The following LMBRD2 variants were observed in gnomAD, a reference collection of about 807,000 sequenced individuals.
LMBRD2 encodes the protein LMBR1 domain containing 2.
In LMBRD2, 55 loss-of-function variants were observed where a neutral mutation model predicts 94.4. That is an observed-to-expected ratio of 0.58 (90% CI 0.47 to 0.73). LMBRD2 has a LOEUF of 0.73. Ranked by LOEUF, LMBRD2 falls within the 30% of genes least tolerant of loss-of-function variation. The pLI is 0.00. For synonymous variants in LMBRD2, 246 were observed against 272.4 expected, an observed-to-expected ratio of 0.90 and a Z score of 0.95; for missense variants, 640 against 831.9, an observed-to-expected ratio of 0.77 and a Z score of 2.84.
intron 17 of LMBRD2, 31 bp from the exon 18 acceptor site, chr5:36,104,137 G>T (rs1262810758): frequency 1.9e-6 from 3 of 1,547,078 alleles, no homozygotes; most frequent in East Asian, 4.5e-5. Flanking sequence ...AATGATCTGA[G>T]GCATCAAAAA....
intron 6 of LMBRD2, among the ~76,000 whole-genome samples, chr5:36,126,154 T>C (rs1744002339): frequency 6.6e-6 from 1 of 152,218 alleles, no homozygotes; most frequent in African/African-American, 2.4e-5. Context: ...TTTAAGAGGT[T>C]ACCTGGAAGC....
chr5:36,106,583 C>A (rs533084560), intron 16 of LMBRD2, among the ~76,000 whole-genome samples: 1 of 144,968 alleles, frequency 6.9e-6, no homozygotes, highest in African/African-American at 2.5e-5. Flanking sequence ...GATCTCGGCT[C>A]ACTACAACCT....
Position 36,099,063 on chromosome 5 carries a change from T to C in LMBRD2, c.*4983A>G, listed in dbSNP as rs997416747. The stretch of plus-strand genomic sequence containing the variant: ...TTATTAATGCAATGCAGAAATTAGG[T>C]TTTTGGTATATTAATAATTTGCTTG... On this transcript the variant is annotated 3_prime_UTR_variant, in exon 18 of 18. Transcript: ENST00000296603. The C allele has an allele frequency of 2.6e-5, 4 of 151,994 alleles. No homozygotes were observed. The highest frequency in any genetic ancestry group is 4.4e-5 in the Non-Finnish European group (3 of 67,938). 9.4% of individuals were successfully genotyped at this position (151,994 alleles called of 1,614,324 possible).
At chr5:36,123,418 T>G (rs1743932794) in intron 7 of LMBRD2, among the ~76,000 whole-genome samples, 1 of 152,138 alleles carries the variant, frequency 6.6e-6, no homozygotes, top group Non-Finnish European at 1.5e-5. Flanking sequence ...CTATATGAAC[T>G]TGGGCAACTT....
intron 5 of LMBRD2, among the ~76,000 whole-genome samples, chr5:36,136,791 C>T (rs1383287244): frequency 6.6e-6 from 1 of 152,072 alleles, no homozygotes; most frequent in African/African-American, 2.4e-5. Context: ...AATAGTGAGA[C>T]CTAGCACTGC....
Position 36,115,001 on chromosome 5 carries a change from C to G in LMBRD2, c.1542+14G>C. ...TAGTGAACCTAAGGAATTCTATTTT[C>G]TGACCGTACTTACAGATGTATAAGC... On this transcript the variant is annotated intron_variant, in intron 12 of 17. Transcript: ENST00000296603. The G allele has an allele frequency of 6.7e-7, 1 of 1,490,026 alleles. No individual in the cohort carries two copies. Among genetic ancestry groups the G allele is most frequent in the Non-Finnish European group, 9.3e-7 (1 of 1,072,494 alleles). 92.3% of individuals were successfully genotyped at this position (1,490,026 alleles called of 1,614,324 possible).
chr5:36,109,991 T>C lies in LMBRD2; in HGVS notation c.1745A>G (p.Glu582Gly), dbSNP rs1224697413. 6.2e-7 allele frequency: 1 copy of C among 1,606,736 alleles called. No homozygotes were observed. Among genetic ancestry groups the C allele is most frequent in the Non-Finnish European group, 8.5e-7 (1 of 1,174,146 alleles). ...TTCTTGCCTTTGCCTTTTTCTCTTC[T>C]CTAAAGACAGAAAAATGATCTCAAA... is the stretch of plus-strand genomic sequence containing the variant. ...VNEGKELIRKEKRKRQRQEEG... is the reference protein window; with the variant it reads ...VNEGKELIRKGKRKRQRQEEG... Residue 582 changes from glutamate (E) to glycine (G), a missense_variant and splice_region_variant, in exon 15 of 18, where the codon GAG becomes GGG. By Grantham distance (98) the Glu-to-Gly change is moderately conservative. Transcript: ENST00000296603.
chr5:36,122,673 G>C (rs528684010), intron 8 of LMBRD2, among the ~76,000 whole-genome samples, 175 bp downstream of exon 8: 1 of 152,208 alleles, frequency 6.6e-6, no homozygotes, highest in African/African-American at 2.4e-5. Context: ...CTCCCCAAAC[G>C]CCAATAATAC....
In LMBRD2 at chr5:36,117,753, A is replaced by G; in HGVS notation, c.1284T>C (p.Tyr428=). The G allele has an allele frequency of 6.2e-7, 1 of 1,605,942 alleles. No individual in the cohort carries two copies. Among genetic ancestry groups the G allele is most frequent in the Non-Finnish European group, 8.5e-7 (1 of 1,176,256 alleles). Residue 428 remains tyrosine, a synonymous_variant, in exon 10 of 18, where the codon TAT becomes TAC. Transcript: ENST00000296603. ...AACTGACCTCGATATAAATATAATT[A>G]TATGTTTTTTCTGCCAGCTGTATGA... ...AVFIQLAEKT[Y]NYIYIEIACF...
intron 14 of LMBRD2, among the ~76,000 whole-genome samples, chr5:36,110,533 G>T (rs193291195): frequency 6.4e-4 from 97 of 152,050 alleles, no homozygotes; most frequent in African/African-American, 2.1e-3. Context: ...AGGCTACACT[G>T]GCTTATTTTG....
intron 16 of LMBRD2, among the ~76,000 whole-genome samples, chr5:36,106,162 T>C (rs2111839359): frequency 1.3e-5 from 2 of 152,312 alleles, no homozygotes; most frequent in South Asian, 4.1e-4. Flanking sequence ...GGTCTTTCTA[T>C]TCTGTAAACT....
At chr5:36,138,133 T>C (rs189574923) in intron 4 of LMBRD2, among the ~76,000 whole-genome samples, 18 of 152,136 alleles carry the variant, frequency 1.2e-4, no homozygotes, top group Non-Finnish European at 2.4e-4. Flanking sequence ...AAGGAGCATA[T>C]GGATTAGGAA....
intron 1 of LMBRD2, among the ~76,000 whole-genome samples, chr5:36,144,151 C>T (rs1374236916): frequency 6.6e-6 from 1 of 151,818 alleles, no homozygotes; most frequent in East Asian, 1.9e-4. Context: ...CAGTCATCAG[C>T]GAATAGTTTA....
chr5:36,123,431 T>C (rs1743933312), intron 7 of LMBRD2, among the ~76,000 whole-genome samples: 1 of 152,112 alleles, frequency 6.6e-6, no homozygotes, highest in Admixed American at 6.5e-5. Flanking sequence ...GGCAACTTAG[T>C]TAACCTCTCT....
intron 14 of LMBRD2, 144 bp downstream of exon 14, chr5:36,111,011 C>T (rs1743591537): frequency 1.7e-6 from 1 of 579,656 alleles, no homozygotes. Flanking sequence ...GGCCATTGTA[C>T]ATTTTTAGCT....
In LMBRD2 at chr5:36,141,085, T is replaced by C. The variant is rs201160256; in HGVS notation, c.368+22A>G. 15 of 1,413,628 alleles carry C rather than the reference T, an allele frequency of 1.1e-5. No homozygotes were observed. The African/African-American group carries it at 2.2e-4, about 20-fold the overall frequency. The allele number at this position is 1,413,628 out of a possible 1,614,324, so 87.6% of individuals were successfully genotyped here. A position where few individuals can be genotyped will look rare whatever the true frequency, so the allele number is the denominator to read the frequency against. The stretch of plus-strand genomic sequence containing the variant: ...TTCCTTTAGCCAAAATTTTAAAAAT[T>C]TTATCATTTACTGTAACTTACCATG... On this transcript the variant is annotated intron_variant, in intron 4 of 17. Transcript: ENST00000296603.
chr5:36,141,019 C>G (rs369222510), intron 4 of LMBRD2, 88 bp downstream of exon 4: 3 of 709,152 alleles, frequency 4.2e-6, no homozygotes, highest in African/African-American at 1.8e-5. Context: ...GCATATGACA[C>G]ATAAATAAAT....
chr5:36,145,039 T>C (rs1478612795), intron 1 of LMBRD2, among the ~76,000 whole-genome samples: 1 of 152,210 alleles, frequency 6.6e-6, no homozygotes, highest in Non-Finnish European at 1.5e-5. Context: ...ACACATTCTT[T>C]ATATTTATTG....
intron 1 of LMBRD2, among the ~76,000 whole-genome samples, chr5:36,144,761 T>C (rs1192734911): frequency 6.6e-6 from 1 of 152,170 alleles, no homozygotes; most frequent in Non-Finnish European, 1.5e-5. Context: ...TAACTAAAAC[T>C]ATTTAGAATA....
Sources: gnomAD v4.1 joint callset for allele counts (sites outside exome capture counted in the v4.1 genomes callset) on GRCh38, gnomAD v4.1.1 for gene constraint, MANE v1.5 for transcripts, NCBI Gene and HGNC (gene_info 2026-07-23, HGNC 2026-07-21) for gene names.